Variants in DPF3 observed in about 807,000 individuals in gnomAD.
DPF3 encodes the protein double PHD fingers 3.
A neutral mutation model predicts 56.8 loss-of-function variants in DPF3; 18 were observed. The observed-to-expected ratio is 0.32, with a 90% CI of 0.22 to 0.47. DPF3 has a LOEUF of 0.47. Ranked by LOEUF, DPF3 falls within the 20% of genes least tolerant of loss-of-function variation. DPF3 has a pLI of 1.00. For missense variants in DPF3, 403 were observed against 488.8 expected (o/e 0.82, Z 1.65); for synonymous variants, 188 against 180.2 (o/e 1.04, Z -0.35).
At chr14:72,651,484 G>A (rs538463778) in intron 8 of DPF3, among the ~76,000 whole-genome samples, 1 of 152,344 alleles carries the variant, frequency 6.6e-6, no homozygotes, top group East Asian at 1.9e-4. Flanking sequence ...GCCTCTCTAA[G>A]AAGTGCTCCT....
intron 1 of DPF3, among the ~76,000 whole-genome samples, chr14:72,859,709 G>A (rs1346598176): frequency 3.9e-5 from 6 of 152,030 alleles, no homozygotes; most frequent in Admixed American, 1.3e-4. Flanking sequence ...CAGCAAATAC[G>A]GAGCCAGATG....
intron 1 of DPF3, among the ~76,000 whole-genome samples, chr14:72,788,828 A>T (rs193037416): frequency 3.3e-5 from 5 of 152,288 alleles, no homozygotes. Context: ...TAACGTCCCA[A>T]AGTTGAGGCC....
At chr14:72,624,263 C>G (rs1884661058) in intron 9 of DPF3, among the ~76,000 whole-genome samples, 1 of 151,290 alleles carries the variant, frequency 6.6e-6, no homozygotes, top group South Asian at 2.1e-4. Context: ...CAGAAAATTA[C>G]CATTGGTGTA....
chr14:72,788,786 G>A (rs1256134010), intron 1 of DPF3, among the ~76,000 whole-genome samples: 2 of 152,198 alleles, frequency 1.3e-5, no homozygotes, highest in Non-Finnish European at 2.9e-5. Context: ...AAAGGGGTTG[G>A]TGGGTTGTCC....
At chr14:72,881,451 G>A (rs1213267634) in intron 1 of DPF3, among the ~76,000 whole-genome samples, 4 of 152,020 alleles carry the variant, frequency 2.6e-5, no homozygotes, top group Non-Finnish European at 5.9e-5. Flanking sequence ...GCCAACACTG[G>A]GTATTCTCCC....
chr14:72,878,067 G>A (rs1042908085), intron 1 of DPF3, among the ~76,000 whole-genome samples: 5 of 152,122 alleles, frequency 3.3e-5, no homozygotes, highest in African/African-American at 1.2e-4. Context: ...CCCATATTTG[G>A]CACACCATCA....
At position 72,836,036 on chromosome 14, in the gene DPF3, C is replaced by T. The variant is rs114138280; in HGVS notation, c.32+58021G>A. ...GCCAGCCGTCACCACACGGGTGCCT[C>T]GGGGAGATGCTGGAGACACAAGTGG... On this transcript the variant is annotated intron_variant, in intron 1 of 10. Coordinates refer to ENST00000556509, the MANE Select transcript of DPF3 (RefSeq NM_001280542.3). 14 of 985,348 alleles carry T rather than the reference C, an allele frequency of 1.4e-5. No homozygotes were observed. The Middle Eastern group carries it at 1.6e-3, about 110-fold the overall frequency. The allele number at this position is 985,348 out of a possible 1,614,324, so 61.0% of individuals were successfully genotyped here.
At position 72,777,474 on chromosome 14, in the gene DPF3, A is replaced by G. The variant is rs559452121; in HGVS notation, c.33-5581T>C. Among the ~76,000 whole-genome samples the G allele has an allele frequency of 3.3e-4, 50 of 152,232 alleles. No individual in the cohort carries two copies. The South Asian group carries it at 0.01, about 31-fold the overall frequency. On this transcript the variant is annotated intron_variant, in intron 1 of 10. Coordinates refer to ENST00000556509, the MANE Select transcript of DPF3 (RefSeq NM_001280542.3). ...AGACTGAATTGTGTCGTTCCTCCTCACAGAAAAAATCCACATGTTGAAGGC... is the reference window on the plus strand; with the variant it reads ...AGACTGAATTGTGTCGTTCCTCCTCGCAGAAAAAATCCACATGTTGAAGGC...
At chr14:72,734,539 A>T (rs1206446422) in intron 3 of DPF3, among the ~76,000 whole-genome samples, 1 of 152,222 alleles carries the variant, frequency 6.6e-6, no homozygotes, top group Non-Finnish European at 1.5e-5. Context: ...TATAATAATC[A>T]TATATACATA....
At chr14:72,795,291 A>ATATATATATATAT (rs1158510213) in intron 1 of DPF3, among the ~76,000 whole-genome samples, 32 of 122,376 alleles carry the variant, frequency 2.6e-4, no homozygotes, top group Non-Finnish European at 4.8e-4. Flanking sequence ...AAAAAAAAAA[A>ATATATATATATAT]AAAAATATAT....
intron 9 of DPF3, among the ~76,000 whole-genome samples, chr14:72,620,298 C>T (rs1319711203): frequency 6.6e-6 from 1 of 152,234 alleles, no homozygotes; most frequent in Non-Finnish European, 1.5e-5. Flanking sequence ...TTCTTCTGAA[C>T]TTCCAAAGCC....
intron 8 of DPF3, among the ~76,000 whole-genome samples, chr14:72,664,071 T>C (rs933889630): frequency 6.6e-6 from 1 of 152,052 alleles, no homozygotes; most frequent in African/African-American, 2.4e-5. Context: ...TCCCTCATGC[T>C]CTTTGCTGTC....
At chr14:72,686,383 C>G (rs1887411853) in intron 7 of DPF3, among the ~76,000 whole-genome samples, 1 of 152,240 alleles carries the variant, frequency 6.6e-6, no homozygotes, top group African/African-American at 2.4e-5. Flanking sequence ...AGACTCACAG[C>G]AATCCCATGA....
At chr14:72,658,684 C>T (rs1005936700) in intron 8 of DPF3, among the ~76,000 whole-genome samples, 2 of 152,150 alleles carry the variant, frequency 1.3e-5, no homozygotes, top group African/African-American at 4.8e-5. Context: ...TGACCTAGCT[C>T]CATCCAGAGA....
At chr14:72,817,450 G>T (rs1009054438) in intron 1 of DPF3, among the ~76,000 whole-genome samples, 4 of 152,072 alleles carry the variant, frequency 2.6e-5, no homozygotes, top group African/African-American at 9.7e-5. Context: ...TGAGGTCAGA[G>T]GTTCGAGACC....
intron 1 of DPF3, among the ~76,000 whole-genome samples, chr14:72,784,957 CAA>C (rs796423196): frequency 9.5e-4 from 125 of 130,918 alleles, no homozygotes; most frequent in African/African-American, 3.4e-3. Flanking sequence ...AACACCGCCT[CAA>C]AAAAAAAAAA....
chr14:72,634,405 C>T (rs1885328473), intron 8 of DPF3, among the ~76,000 whole-genome samples: 1 of 152,096 alleles, frequency 6.6e-6, no homozygotes. Flanking sequence ...CACTGTTAGA[C>T]AAAAAGAAGT....
chr14:72,821,159 G>A (rs929636887), intron 1 of DPF3, among the ~76,000 whole-genome samples: 3 of 147,662 alleles, frequency 2.0e-5, no homozygotes, highest in Non-Finnish European at 4.5e-5. Context: ...AAATTAGCGG[G>A]CGTGGTGGCA....
chr14:72,688,055 A>G (rs1307571213), intron 7 of DPF3, among the ~76,000 whole-genome samples: 1 of 151,572 alleles, frequency 6.6e-6, no homozygotes, highest in African/African-American at 2.4e-5. Flanking sequence ...GCTGAGTCCT[A>G]TTTATGCCTG....
Sources: gnomAD v4.1 joint callset for allele counts (sites outside exome capture counted in the v4.1 genomes callset) on GRCh38, gnomAD v4.1.1 for gene constraint, MANE v1.5 for transcripts, NCBI Gene and HGNC (gene_info 2026-07-23, HGNC 2026-07-21) for gene names.